Variants in ARAP2 observed in about 807,000 individuals in gnomAD.
The protein encoded by ARAP2 is arf-GAP with Rho-GAP domain, ANK repeat and PH domain-containing protein 2.
ARAP2 carries 148 observed loss-of-function variants against 194.5 expected under a neutral mutation model. The ratio of observed to expected loss-of-function variants is 0.76; its 90% CI spans 0.67 to 0.87. ARAP2 has a LOEUF of 0.87. ARAP2 is among the 40% of genes least tolerant of loss of function. ARAP2 has a pLI of 0.00. For synonymous variants in ARAP2, 695 were observed against 683.5 expected (o/e 1.02, Z -0.26); for missense variants, 2,128 against 1,989.7 (o/e 1.07, Z -1.32).
At chr4:36,182,349 G>A (rs778247069) in intron 8 of ARAP2, among the ~76,000 whole-genome samples, 11 of 152,108 alleles carry the variant, frequency 7.2e-5, no homozygotes, top group East Asian at 1.9e-4. Context: ...AAAATTAGCC[G>A]TGCATGTTGG....
intron 2 of ARAP2, among the ~76,000 whole-genome samples, chr4:36,225,924 A>G (rs1227679101): frequency 6.6e-6 from 1 of 152,196 alleles, no homozygotes; most frequent in Non-Finnish European, 1.5e-5. Context: ...AGAGAAACTC[A>G]CGTTACATAA....
chr4:36,069,922 G>A (rs1247197408), intron 32 of ARAP2, among the ~76,000 whole-genome samples: 1 of 152,054 alleles, frequency 6.6e-6, no homozygotes, highest in Non-Finnish European at 1.5e-5. Flanking sequence ...TTAAAAGTGT[G>A]TAGCACCTTT....
chr4:36,202,472 A>G (rs573227781), intron 6 of ARAP2, among the ~76,000 whole-genome samples: 69 of 152,110 alleles, frequency 4.5e-4, no homozygotes, highest in Admixed American at 1.4e-3. Flanking sequence ...CATCTCTGCT[A>G]TATCTACATC....
intron 27 of ARAP2, among the ~76,000 whole-genome samples, chr4:36,100,596 G>A (rs1716594774): frequency 6.6e-6 from 1 of 151,882 alleles, no homozygotes; most frequent in African/African-American, 2.4e-5. Flanking sequence ...AGAATTGATT[G>A]TATAGATGTA....
rs1276644860 is a variant in ARAP2 at position 36,019,477 on chromosome 4, G to A, written n.608-191C>T. 2.0e-5 allele frequency among the ~76,000 whole-genome samples: 3 copies of A among 149,294 alleles called. No homozygotes were observed. In the South Asian group the frequency reaches 6.2e-4, roughly 31 times the overall value. ...ACTTACAAACAATTTTAGGAATTGT[G>A]ATACTCGCGATGATGGAAGATTGAC... is the stretch of plus-strand genomic sequence containing the variant. On this transcript the variant is annotated intron_variant and non_coding_transcript_variant, in intron 5 of 12. Transcript: ENST00000503225.
At chr4:36,030,426 C>A (rs1352024967) in intron 5 of ARAP2, among the ~76,000 whole-genome samples, 2 of 151,968 alleles carry the variant, frequency 1.3e-5, no homozygotes, top group East Asian at 3.8e-4. Context: ...CACCATGTAT[C>A]CTTTTTATAT....
At position 36,212,286 on chromosome 4, in the gene ARAP2, T is replaced by C. The variant is rs1746929335; in HGVS notation, c.1133+110A>G. ...TTTAGAGAGGAAAAAATTGAACTTA[T>C]CACCATAAACTATTTTCTCTGACAC... On this transcript the variant is annotated intron_variant, in intron 5 of 32. Coordinates refer to ENST00000303965, the MANE Select transcript of ARAP2 (RefSeq NM_015230.4). 8 of 874,792 alleles carry C rather than the reference T, an allele frequency of 9.1e-6. No homozygotes were observed. In the South Asian group the frequency reaches 1.9e-4, roughly 21 times the overall value. The allele number at this position is 874,792 out of a possible 1,614,324, so 54.2% of individuals were successfully genotyped here.
intron 15 of ARAP2, 86 bp downstream of exon 15, chr4:36,158,644 C>G (rs1304614267): frequency 1.7e-6 from 2 of 1,211,682 alleles, no homozygotes; most frequent in African/African-American, 3.2e-5. Context: ...TCTAACATCT[C>G]AAAAAAATCA....
At chr4:36,189,256 A>C (rs988451392) in intron 7 of ARAP2, among the ~76,000 whole-genome samples, 6 of 151,956 alleles carry the variant, frequency 3.9e-5, no homozygotes, top group African/African-American at 1.5e-4. Context: ...TTTTTTTTTA[A>C]TTTTCTAAAT....
Position 36,088,728 on chromosome 4 carries a change from C to T in ARAP2, c.4425+3153G>A, listed in dbSNP as rs151259811. Reference sequence around the variant, plus strand: ...TGGAGGCTCCCCTGCTGGAGGAATACACAGAGAAAGTAATTAAAGCACACG... The same window carrying T: ...TGGAGGCTCCCCTGCTGGAGGAATATACAGAGAAAGTAATTAAAGCACACG... On this transcript the variant is annotated intron_variant, in intron 28 of 32. Transcript: ENST00000303965. Among the ~76,000 whole-genome samples, 621 of 152,172 alleles carry T rather than the reference C, an allele frequency of 4.1e-3. 3 individuals are homozygous for T. Among genetic ancestry groups the T allele is most frequent in the Middle Eastern group, 0.014 (4 of 294 alleles).
intron 9 of ARAP2, among the ~76,000 whole-genome samples, chr4:36,171,397 A>C (rs1377516234): frequency 6.6e-6 from 1 of 152,166 alleles, no homozygotes; most frequent in Admixed American, 6.5e-5. Context: ...GGAAACCATC[A>C]TTCTCAGCAA....
At chr4:36,207,258 T>A (rs1378453394) in intron 6 of ARAP2, among the ~76,000 whole-genome samples, 3 of 152,252 alleles carry the variant, frequency 2.0e-5, no homozygotes, top group Admixed American at 6.5e-5. Context: ...GTGAAGAAGA[T>A]GATTTATTTT....
chr4:36,189,912 C>CA (rs1272804214), intron 7 of ARAP2, among the ~76,000 whole-genome samples: 4 of 152,156 alleles, frequency 2.6e-5, no homozygotes, highest in Non-Finnish European at 5.9e-5. Flanking sequence ...TCAACTCTTC[C>CA]AGTCCATCTG....
intron 19 of ARAP2, among the ~76,000 whole-genome samples, chr4:36,136,922 A>ATG (rs1726935499): frequency 3.4e-5 from 1 of 29,116 alleles, no homozygotes; most frequent in Non-Finnish European, 6.6e-5. Flanking sequence ...ACACACATAC[A>ATG]CGCGCGCGCG....
At chr4:36,126,966 T>C (rs890409344) in intron 21 of ARAP2, among the ~76,000 whole-genome samples, 5 of 152,148 alleles carry the variant, frequency 3.3e-5, no homozygotes, top group East Asian at 1.9e-4. Context: ...GTCTTCAGAA[T>C]AGCTGAGCCT....
At chr4:36,134,735 T>TAC (rs71199697) in intron 19 of ARAP2, among the ~76,000 whole-genome samples, 53,973 of 147,918 alleles carry the variant, frequency 0.36, 9,786 homozygotes, top group Middle Eastern at 0.43. Context: ...CACACACAAA[T>TAC]ACACACACAC....
At chr4:36,131,954 T>C (rs1725551604) in intron 20 of ARAP2, among the ~76,000 whole-genome samples, 1 of 151,758 alleles carries the variant, frequency 6.6e-6, no homozygotes, top group Non-Finnish European at 1.5e-5. Context: ...GGGCCTTATG[T>C]ATATTTTTTC....
chr4:36,207,600 C>A (rs772649743), intron 6 of ARAP2, among the ~76,000 whole-genome samples: 1 of 152,040 alleles, frequency 6.6e-6, no homozygotes, highest in South Asian at 2.1e-4. Flanking sequence ...GACAACCATG[C>A]GAAATAAGCT....
chr4:36,230,965 T>C (rs1289352001), intron 1 of ARAP2, among the ~76,000 whole-genome samples: 1 of 152,136 alleles, frequency 6.6e-6, no homozygotes, highest in African/African-American at 2.4e-5. Flanking sequence ...ACAAAATAAA[T>C]GATGAAAGGC....
Sources: allele counts gnomAD v4.1 joint callset (sites outside exome capture counted in the v4.1 genomes callset), GRCh38; gene constraint gnomAD v4.1.1; transcripts MANE v1.5; gene names NCBI Gene and HGNC (gene_info 2026-07-23, HGNC 2026-07-21).